The following LMTK2 variants were observed in gnomAD, a reference collection of about 807,000 sequenced individuals.
The protein encoded by LMTK2 is serine/threonine-protein kinase LMTK2.
In LMTK2, 37 loss-of-function variants were observed where a neutral mutation model predicts 127.5. That is an observed-to-expected ratio of 0.29 (90% CI 0.22 to 0.38). LMTK2 has a LOEUF of 0.38. LMTK2 is among the 10% of genes least tolerant of loss of function. The pLI is 1.00. For missense variants in LMTK2, 1,694 were observed against 1,920.3 expected (o/e 0.88, Z 2.20); for synonymous variants, 819 against 810.1 (o/e 1.01, Z -0.19).
At chr7:98,187,371 T>G (rs183327725) in intron 9 of LMTK2, among the ~76,000 whole-genome samples, 1 of 152,338 alleles carries the variant, frequency 6.6e-6, no homozygotes, top group Admixed American at 6.5e-5. Context: ...GGAGTCAGTT[T>G]AATGGGAGCT....
intron 7 of LMTK2, among the ~76,000 whole-genome samples, chr7:98,178,612 G>A (rs577420461): frequency 6.6e-6 from 1 of 152,298 alleles, no homozygotes; most frequent in East Asian, 1.9e-4. Context: ...CTGTGTGTTT[G>A]CATTTCCTGA....
chr7:98,155,385 A>G (rs1480442868), intron 5 of LMTK2, among the ~76,000 whole-genome samples: 2 of 152,226 alleles, frequency 1.3e-5, no homozygotes, highest in Admixed American at 1.3e-4. Context: ...AAAGGATTCA[A>G]AGCAGTAGTT....
At chr7:98,158,429 C>T (rs1284523207) in intron 5 of LMTK2, among the ~76,000 whole-genome samples, 2 of 152,192 alleles carry the variant, frequency 1.3e-5, no homozygotes, top group African/African-American at 2.4e-5. Context: ...TGCGCGTCCC[C>T]ACACCCAATT....
intron 1 of LMTK2, among the ~76,000 whole-genome samples, chr7:98,125,298 G>A (rs1431603182): frequency 1.8e-4 from 26 of 142,480 alleles, no homozygotes; most frequent in Non-Finnish European, 1.1e-4. Context: ...GCGAGACTCC[G>A]TCTCAAAAAA....
chr7:98,109,661 T>C (rs185269890), intron 1 of LMTK2, among the ~76,000 whole-genome samples: 209 of 150,798 alleles, frequency 1.4e-3, no homozygotes, highest in East Asian at 8.3e-3. Flanking sequence ...GGAAAATTGC[T>C]TGCACCCAGG....
At chr7:98,111,279 G>A (rs1382207377) in intron 1 of LMTK2, among the ~76,000 whole-genome samples, 1 of 152,148 alleles carries the variant, frequency 6.6e-6, no homozygotes, top group Non-Finnish European at 1.5e-5. Flanking sequence ...TGTGTATTGT[G>A]TCACTTAGAT....
At position 98,194,098 on chromosome 7, in the gene LMTK2, C is replaced by T. The variant is rs764356535; in HGVS notation, c.3633C>T (p.Ser1211=). Residue 1211 remains serine, a synonymous_variant, in exon 11 of 14, where the codon AGC becomes AGT. Transcript: ENST00000297293. The surrounding 1 kb of genome is among the most constrained non-coding windows in gnomAD (Gnocchi z 5.4). The part of the protein sequence containing the change: ...PWSVLNAELS[S]GDDFETQDDR... ...GTGTGCTGAATGCAGAACTTAGCAG[C>T]GGCGATGACTTCGAGACACAGGACG... The T allele has an allele frequency of 5.6e-6, 9 of 1,614,104 alleles. No homozygotes were observed. The highest frequency in any genetic ancestry group is 2.2e-5 in the East Asian group (1 of 44,876).
chr7:98,109,743 CAA>C (rs1156337163), intron 1 of LMTK2, among the ~76,000 whole-genome samples: 4 of 53,300 alleles, frequency 7.5e-5, no homozygotes, highest in African/African-American at 6.9e-5. Flanking sequence ...GACTCCGTCT[CAA>C]AAAAAAAAAA....
intron 3 of LMTK2, among the ~76,000 whole-genome samples, chr7:98,145,276 CT>C (rs1378182786): frequency 1.4e-4 from 1 of 7,236 alleles, no homozygotes; most frequent in African/African-American, 4.4e-4. Flanking sequence ...AAATGGTACA[CT>C]AAAAAAAAAA....
chr7:98,118,525 T>C (rs1796319509), intron 1 of LMTK2, among the ~76,000 whole-genome samples: 1 of 151,558 alleles, frequency 6.6e-6, no homozygotes, highest in Non-Finnish European at 1.5e-5. Context: ...TTTGCTTTGC[T>C]TTTTTTTTCT....
chr7:98,139,834 A>G (rs1227911795), intron 2 of LMTK2, among the ~76,000 whole-genome samples: 2 of 152,190 alleles, frequency 1.3e-5, no homozygotes, highest in African/African-American at 4.8e-5. Flanking sequence ...GAAAATGAAA[A>G]TAAAAGTTCA....
chr7:98,163,094 G>GA (rs1362221705), intron 6 of LMTK2, among the ~76,000 whole-genome samples: 1 of 148,926 alleles, frequency 6.7e-6, no homozygotes, highest in African/African-American at 2.4e-5. Flanking sequence ...CCTAGAGACA[G>GA]AAAGTAGAAA....
intron 1 of LMTK2, among the ~76,000 whole-genome samples, chr7:98,131,821 A>T (rs189925035): frequency 1.2e-4 from 19 of 152,284 alleles, no homozygotes; most frequent in African/African-American, 4.6e-4. Context: ...TGCTTAGACC[A>T]CAGGGGTACC....
intron 11 of LMTK2, among the ~76,000 whole-genome samples, chr7:98,201,434 A>G (rs1391862428): frequency 2.0e-5 from 3 of 152,206 alleles, no homozygotes; most frequent in African/African-American, 4.8e-5. Context: ...GCGTCATGTC[A>G]GCGCTCAAAA....
chr7:98,192,146 A>G lies in LMTK2; in HGVS notation c.1681A>G (p.Ser561Gly), dbSNP rs778006352. 1.6e-5 allele frequency: 24 copies of G among 1,530,960 alleles called. No homozygotes were observed. The highest frequency in any genetic ancestry group is 3.9e-5 in the South Asian group (3 of 76,004). 94.8% of individuals were successfully genotyped at this position (1,530,960 alleles called of 1,614,324 possible). A position where few individuals can be genotyped will look rare whatever the true frequency, so the allele number is the denominator to read the frequency against. ...TATCCAGTTAGAAGAAAAAAGTGGT[A>G]GTAACTTGGAGCTTGATTACCCACC... Reference protein sequence around the residue: ...YYIQLEEKSGSNLELDYPPAL... With the variant: ...YYIQLEEKSGGNLELDYPPAL... The change falls in exon 11 of 14, where the codon AGT becomes GGT. Residue 561 changes from serine to glycine, a missense_variant. Ser to Gly is a moderately conservative substitution (Grantham distance 56). Around this residue, in one of 8 missense-constraint regions of LMTK2, gnomAD observed 527 missense variants for 539.8 expected, o/e 0.98. Coordinates refer to ENST00000297293, the MANE Select transcript of LMTK2 (RefSeq NM_014916.4).
In LMTK2 at chr7:98,124,672, G is replaced by A. The variant is rs542741633; in HGVS notation, c.104-12643G>A. 3.5e-4 allele frequency among the ~76,000 whole-genome samples: 53 copies of A among 152,262 alleles called. 1 individual carries two copies. Among genetic ancestry groups the A allele is most frequent in the Non-Finnish European group, 4.4e-5 (3 of 68,020 alleles). ...ATGGTGGTGCACACCTGTAGTCCCA[G>A]CTACTCGGGAGGCTGAGGTGGGAGG... is the stretch of plus-strand genomic sequence containing the variant. On this transcript the variant is annotated intron_variant, in intron 1 of 13. Coordinates refer to ENST00000297293, the MANE Select transcript of LMTK2 (RefSeq NM_014916.4).
intron 4 of LMTK2, among the ~76,000 whole-genome samples, chr7:98,154,344 A>G (rs10499942): frequency 0.053 from 8,076 of 152,298 alleles, 632 homozygotes; most frequent in East Asian, 0.36. Context: ...TCTCATATGT[A>G]TAGCAGACTA....
rs746637392 is a variant in LMTK2 at position 98,203,981 on chromosome 7, T to A, written c.4278T>A (p.Asp1426Glu). The A allele has an allele frequency of 1.6e-5, 26 of 1,614,020 alleles. No individual in the cohort carries two copies. Among genetic ancestry groups the A allele is most frequent in the Non-Finnish European group, 2.1e-5 (25 of 1,180,034 alleles). The part of the protein sequence containing the change: ...GFEWDDDFSP[D>E]PFMSKTTSNL... ...AGTGGGATGATGACTTCTCCCCAGATCCTTTTATGTCAAAGACAACAAGTA... is the reference window on the plus strand; with the variant it reads ...AGTGGGATGATGACTTCTCCCCAGAACCTTTTATGTCAAAGACAACAAGTA... The change falls in exon 13 of 14, where the codon GAT becomes GAA. Residue 1426 changes from aspartate (D) to glutamate (E), a missense_variant. Coordinates refer to ENST00000297293, the MANE Select transcript of LMTK2 (RefSeq NM_014916.4).
At position 98,163,579 on chromosome 7, in the gene LMTK2, G is replaced by A. The variant is rs373813087; in HGVS notation, c.657+4154G>A. Among the ~76,000 whole-genome samples, 20 of 152,208 alleles carry A rather than the reference G, an allele frequency of 1.3e-4. No individual in the cohort carries two copies. In the East Asian group the frequency reaches 1.5e-3, roughly 12 times the overall value. Reference sequence around the variant, plus strand: ...TTCCAGCAGCAAGGACTAGGGGCCTGACAGGGTTCTTGGCACTGAAGTCCA... The same window carrying A: ...TTCCAGCAGCAAGGACTAGGGGCCTAACAGGGTTCTTGGCACTGAAGTCCA... On this transcript the variant is annotated intron_variant, in intron 6 of 13. Transcript: ENST00000297293.
Sources: gnomAD v4.1 joint callset for allele counts (sites outside exome capture counted in the v4.1 genomes callset) on GRCh38, gnomAD v4.1.1 for gene constraint, gnomAD v4.1.1 regional missense constraint, Gnocchi (gnomAD v3.1) non-coding constraint, MANE v1.5 for transcripts, NCBI Gene and HGNC (gene_info 2026-07-23, HGNC 2026-07-21) for gene names.